The following AQR variants were observed in gnomAD, a reference collection of about 807,000 sequenced individuals.
AQR encodes the protein RNA helicase aquarius.
AQR carries 61 observed loss-of-function variants against 180.5 expected under a neutral mutation model. That is an observed-to-expected ratio of 0.34 (90% CI 0.28 to 0.42). The LOEUF is 0.42. Among genes scored for constraint, AQR ranks in the 10% least tolerant of loss-of-function variants. AQR has a pLI of 1.00. For missense variants in AQR, 1,281 were observed against 1,798.3 expected (o/e 0.71, Z 5.20); for synonymous variants, 551 against 588.8 (o/e 0.94, Z 0.93).
At chr15:34,865,103 T>C (rs1892723091) in intron 32 of AQR, among the ~76,000 whole-genome samples, 1 of 152,138 alleles carries the variant, frequency 6.6e-6, no homozygotes, top group African/African-American at 2.4e-5. Flanking sequence ...GAGTTATGTC[T>C]TGAAAGCAGG....
chr15:34,860,859 T>C (rs906606877), intron 33 of AQR, among the ~76,000 whole-genome samples: 1 of 152,194 alleles, frequency 6.6e-6, no homozygotes, highest in African/African-American at 2.4e-5. Context: ...TCCAGCCCTA[T>C]AGATTCAGAT....
intron 17 of AQR, among the ~76,000 whole-genome samples, chr15:34,909,541 T>G (rs971442245): frequency 1.3e-5 from 2 of 152,226 alleles, no homozygotes; most frequent in African/African-American, 4.8e-5. Flanking sequence ...TGACTCTTTA[T>G]CCTTTCTGCC....
chr15:34,886,757 G>A, intron 24 of AQR, 96 bp from the exon 25 acceptor site: 6 of 1,272,556 alleles, frequency 4.7e-6, no homozygotes, highest in Admixed American at 2.6e-5. Flanking sequence ...TAGCAAAGAA[G>A]AGGAAAAAAA....
In AQR at chr15:34,904,415, G is replaced by T. The variant is rs750844019; in HGVS notation, c.1922C>A (p.Thr641Asn). The T allele has an allele frequency of 6.2e-7, 1 of 1,610,748 alleles. No individual in the cohort carries two copies. The highest frequency in any genetic ancestry group is 8.5e-7 in the Non-Finnish European group (1 of 1,177,670). ...PNQYQQDMTN[T>N]IQNGAEDVYE... ...CACATCCTCTGCTCCATTTTGTATA[G>T]TATTGGTCATATCTTGTTGATACTG... is the stretch of plus-strand genomic sequence containing the variant. Residue 641 changes from threonine to asparagine, a missense_variant, in exon 19 of 35, where the codon ACT becomes AAT. Transcript: ENST00000156471.
intron 13 of AQR, among the ~76,000 whole-genome samples, chr15:34,922,305 G>A (rs1364523770): frequency 1.3e-5 from 2 of 152,112 alleles, no homozygotes; most frequent in Admixed American, 6.5e-5. Flanking sequence ...AGTTTTTGAC[G>A]ATTTTGAATA....
chr15:34,908,168 T>C (rs922549027), intron 17 of AQR, among the ~76,000 whole-genome samples: 4 of 152,210 alleles, frequency 2.6e-5, no homozygotes, highest in African/African-American at 9.7e-5. Flanking sequence ...AAAACAATAT[T>C]CAGCTGGGCA....
intron 16 of AQR, among the ~76,000 whole-genome samples, chr15:34,911,049 G>C (rs1893491751): frequency 6.6e-6 from 1 of 152,110 alleles, no homozygotes; most frequent in South Asian, 2.1e-4. Flanking sequence ...ATCTGTATCT[G>C]GCTTAATACA....
At chr15:34,881,568 T>TC (rs1385963255) in intron 27 of AQR, among the ~76,000 whole-genome samples, 1 of 152,222 alleles carries the variant, frequency 6.6e-6, no homozygotes, top group African/African-American at 2.4e-5. Context: ...AATTTACTGC[T>TC]CAATCATTAC....
chr15:34,933,099 G>A (rs188427908), intron 10 of AQR, among the ~76,000 whole-genome samples: 26 of 152,232 alleles, frequency 1.7e-4, no homozygotes, highest in African/African-American at 5.8e-4. Context: ...AAAAAAGGAA[G>A]TACAAATCCC....
rs763324122 is a variant in AQR, at chr15:34,930,208, T to C, written c.1014+50A>G. ...TACCTATACAAAACCTAAATTGCAG[T>C]ATGATAAAACCTTATGGAGCATACA... On this transcript the variant is annotated intron_variant, in intron 12 of 34. Transcript: ENST00000156471. The C allele has an allele frequency of 3.5e-6, 4 of 1,147,066 alleles. No homozygotes were observed. The Admixed American group carries it at 7.9e-5, about 23-fold the overall frequency. 71.1% of individuals were successfully genotyped at this position (1,147,066 alleles called of 1,614,324 possible).
chr15:34,922,738 A>G (rs939370526), intron 13 of AQR, among the ~76,000 whole-genome samples: 1 of 151,870 alleles, frequency 6.6e-6, no homozygotes, highest in African/African-American at 2.4e-5. Flanking sequence ...GATTTTTAGT[A>G]GACAAGTCAT....
intron 4 of AQR, among the ~76,000 whole-genome samples, chr15:34,952,063 C>A: frequency 6.6e-6 from 1 of 152,174 alleles, no homozygotes; most frequent in East Asian, 1.9e-4. Flanking sequence ...AGACCATCTA[C>A]TTCATGTCAT....
At chr15:34,962,024 C>CTT (rs556539727) in intron 2 of AQR, among the ~76,000 whole-genome samples, 7 of 139,096 alleles carry the variant, frequency 5.0e-5, no homozygotes, top group African/African-American at 1.1e-4. Flanking sequence ...ACTATAATGT[C>CTT]TTTTTTTTTT....
At chr15:34,894,869 G>A (rs1033337287) in intron 22 of AQR, among the ~76,000 whole-genome samples, 3 of 151,590 alleles carry the variant, frequency 2.0e-5, no homozygotes, top group African/African-American at 7.3e-5. Flanking sequence ...AAAATATAAT[G>A]AAAGAATATG....
At chr15:34,908,261 C>T (rs1595793612) in intron 17 of AQR, among the ~76,000 whole-genome samples, 1 of 152,020 alleles carries the variant, frequency 6.6e-6, no homozygotes, top group African/African-American at 2.4e-5. Context: ...GATGGTGAAA[C>T]CCCGTCTCTA....
chr15:34,879,689 A>C (rs936161258), intron 27 of AQR, among the ~76,000 whole-genome samples: 1 of 152,086 alleles, frequency 6.6e-6, no homozygotes, highest in African/African-American at 2.4e-5. Context: ...GCTTGGTAAC[A>C]ATAGGAATGG....
intron 13 of AQR, among the ~76,000 whole-genome samples, chr15:34,925,925 T>C (rs543090064): frequency 4.0e-4 from 61 of 152,098 alleles, no homozygotes; most frequent in African/African-American, 1.5e-3. Context: ...TCCCGGCACT[T>C]TGAGAGGCTG....
chr15:34,968,792 G>C (rs752360939), intron 1 of AQR, among the ~76,000 whole-genome samples: 2 of 152,190 alleles, frequency 1.3e-5, no homozygotes, highest in Non-Finnish European at 2.9e-5. Flanking sequence ...AGGGACTAAG[G>C]GAAAGGGAGG....
intron 20 of AQR, among the ~76,000 whole-genome samples, chr15:34,899,516 C>CTG (rs1173815843): frequency 2.6e-5 from 4 of 151,630 alleles, no homozygotes; most frequent in Admixed American, 6.6e-5. Context: ...ATAGCTGGGA[C>CTG]TGTAGGCACA....
Sources: allele counts gnomAD v4.1 joint callset (sites outside exome capture counted in the v4.1 genomes callset), GRCh38; gene constraint gnomAD v4.1.1; transcripts MANE v1.5; gene names NCBI Gene and HGNC (gene_info 2026-07-23, HGNC 2026-07-21).